The following TG variants were observed in gnomAD, a reference collection of about 807,000 sequenced individuals.
TG encodes the protein thyroglobulin.
In TG, 270 loss-of-function variants were observed where a neutral mutation model predicts 324.7. The ratio of observed to expected loss-of-function variants is 0.83; its 90% CI spans 0.75 to 0.92. The LOEUF is 0.92. TG is among the 40% of genes least tolerant of loss of function. TG has a pLI of 0.00. For missense variants in TG, 3,591 were observed against 3,456.4 expected (o/e 1.04, Z -0.98); for synonymous variants, 1,401 against 1,327.0 (o/e 1.06, Z -1.21).
At chr8:133,113,783 C>T (rs1379398486) in intron 44 of TG, 180 bp downstream of exon 44, 1 of 719,132 alleles carries the variant, frequency 1.4e-6, no homozygotes, top group Non-Finnish European at 2.3e-6. Flanking sequence ...CCCTGGAGGA[C>T]ATGTAGGGTG....
chr8:132,904,075 A>C (rs2132309619), intron 16 of TG, among the ~76,000 whole-genome samples: 1 of 152,340 alleles, frequency 6.6e-6, no homozygotes, highest in South Asian at 2.1e-4. Context: ...CTGGTAGCTC[A>C]GAGCACAACA....
In TG at chr8:133,017,829, C is replaced by T. The variant is rs1203009876; in HGVS notation, c.6614C>T (p.Thr2205Ile). The change falls in exon 38 of 48, where the codon ACC becomes ATC. Residue 2205 changes from threonine to isoleucine, a missense_variant. Coordinates refer to ENST00000220616, the MANE Select transcript of TG (RefSeq NM_003235.5). ...EASVPSVPISTHGRLLGRSQA... is the reference protein window; with the variant it reads ...EASVPSVPISIHGRLLGRSQA... ...TCTGTACCTTCTGTGCCCATTTCCACCCATGGCCGGCTGCTGGGCAGGTCC... is the reference window on the plus strand; with the variant it reads ...TCTGTACCTTCTGTGCCCATTTCCATCCATGGCCGGCTGCTGGGCAGGTCC... 6 of 1,614,098 alleles carry T rather than the reference C, an allele frequency of 3.7e-6. No individual in the cohort carries two copies. The highest frequency in any genetic ancestry group is 1.6e-4 in the Middle Eastern group (1 of 6,084).
rs114806504 is a variant in TG at position 132,959,099 on chromosome 8, T to A, written c.5402-1909T>A. 7.5e-3 allele frequency among the ~76,000 whole-genome samples: 1,142 copies of A among 152,364 alleles called. 26 individuals carry two copies. The highest frequency in any genetic ancestry group is 0.026 in the African/African-American group (1,097 of 41,588). ...GTCTGAGAAGTTCTAGCACCATTGT[T>A]TATTCCCATTTCAGAAGTAAAATCA... On this transcript the variant is annotated intron_variant, in intron 27 of 47. Transcript: ENST00000220616.
At chr8:133,038,713 T>C in intron 41 of TG, 1 of 1,613,758 alleles carries the variant, frequency 6.2e-7, no homozygotes. Context: ...GCGGGTTCTC[T>C]GTTCCCTCGG....
intron 41 of TG, among the ~76,000 whole-genome samples, chr8:133,057,776 A>AAAC (rs1841717628): frequency 1.2e-5 from 1 of 85,662 alleles, no homozygotes; most frequent in African/African-American, 3.3e-5. Flanking sequence ...ACAAAAAACA[A>AAAC]AAAAAAAAAA....
rs6150825 is a variant in TG at position 132,957,742 on chromosome 8, T to TACACAC, written c.5402-3229_5402-3224dup. On this transcript the variant is annotated intron_variant, in intron 27 of 47. Transcript: ENST00000220616. Reference sequence around the variant, plus strand: ...ATTCCCCAGTGATTTCATGGTAAACTACACACACACACACACACACACACA... The same window carrying TACACAC: ...ATTCCCCAGTGATTTCATGGTAAACTACACACACACACACACACACACACACACACA... 9.0e-3 allele frequency among the ~76,000 whole-genome samples: 376 copies of TACACAC among 41,580 alleles called. 1 individual carries two copies. The highest frequency in any genetic ancestry group is 0.025 in the African/African-American group (327 of 12,870). The allele number at this position is 41,580 out of a possible 152,430, so 27.3% of individuals were successfully genotyped here.
intron 40 of TG, among the ~76,000 whole-genome samples, chr8:133,028,976 C>T (rs1836365628): frequency 6.6e-6 from 1 of 152,008 alleles, no homozygotes; most frequent in African/African-American, 2.4e-5. Flanking sequence ...CCATCACCAA[C>T]ATGTAGGTGG....
intron 41 of TG, among the ~76,000 whole-genome samples, chr8:133,043,741 G>A (rs941463750): frequency 6.6e-6 from 1 of 152,186 alleles, no homozygotes; most frequent in Non-Finnish European, 1.5e-5. Context: ...CCAAAGCCCT[G>A]TGGACCCATT....
chr8:132,969,378 G>A lies in TG; in HGVS notation c.5864-80G>A, dbSNP rs530336386. ...ATCTTTAATTGGAAACTTTCAGTCT[G>A]TATTTTACTCATTTGTCCTCATATT... On this transcript the variant is annotated intron_variant, in intron 31 of 47. Transcript: ENST00000220616. 591 of 978,030 alleles carry A rather than the reference G, an allele frequency of 6.0e-4. 5 individuals carry two copies. The South Asian group carries it at 7.4e-3, about 12-fold the overall frequency. The allele number at this position is 978,030 out of a possible 1,614,324, so 60.6% of individuals were successfully genotyped here.
At chr8:133,023,051 G>T (rs1430628551) in intron 40 of TG, among the ~76,000 whole-genome samples, 1 of 152,298 alleles carries the variant, frequency 6.6e-6, no homozygotes, top group East Asian at 1.9e-4. Context: ...TTTCCCAAGG[G>T]TCTCATTTAA....
At chr8:133,106,475 A>G in intron 43 of TG, 1 of 985,236 alleles carries the variant, frequency 1.0e-6, no homozygotes, top group Non-Finnish European at 1.2e-6. Context: ...AAAAAGCAAA[A>G]GGTAGGGTGA....
chr8:133,098,589 C>G (rs920225719), intron 43 of TG, among the ~76,000 whole-genome samples: 1 of 152,212 alleles, frequency 6.6e-6, no homozygotes, highest in Non-Finnish European at 1.5e-5. Flanking sequence ...GTACTGAAAA[C>G]TTTTCATGGC....
intron 41 of TG, among the ~76,000 whole-genome samples, chr8:133,081,630 T>A (rs1845765161): frequency 6.6e-6 from 1 of 152,340 alleles, no homozygotes; most frequent in Admixed American, 6.5e-5. Context: ...AACTGTCTGC[T>A]GCGAAGAGCT....
intron 41 of TG, among the ~76,000 whole-genome samples, chr8:133,077,731 G>GTGTC (rs1845111186): frequency 1.2e-5 from 1 of 85,696 alleles, no homozygotes; most frequent in Non-Finnish European, 2.3e-5. Flanking sequence ...ATTCTCTGGT[G>GTGTC]TGTATGTGTG....
chr8:133,031,175 A>G (rs1044807141), intron 41 of TG, among the ~76,000 whole-genome samples: 12 of 151,976 alleles, frequency 7.9e-5, no homozygotes, highest in Admixed American at 3.9e-4. Flanking sequence ...GTCTCTATCC[A>G]CTTGCCTGTT....
At chr8:132,891,792 T>G (rs762858791) in intron 10 of TG, among the ~76,000 whole-genome samples, 1 of 152,212 alleles carries the variant, frequency 6.6e-6, no homozygotes, top group Admixed American at 6.5e-5. Flanking sequence ...AATATCCTTT[T>G]GAACAAAAAA....
intron 45 of TG, among the ~76,000 whole-genome samples, chr8:133,124,878 A>C (rs1322178602): frequency 6.6e-6 from 1 of 152,202 alleles, no homozygotes; most frequent in Non-Finnish European, 1.5e-5. Flanking sequence ...CCAGATTCAA[A>C]ATATTATCTT....
At position 132,886,752 on chromosome 8, in the gene TG, T is replaced by C. The variant is rs749986694; in HGVS notation, c.1380T>C (p.Phe460=). The C allele has an allele frequency of 1.2e-5, 20 of 1,614,238 alleles. 1 individual carries two copies. The South Asian group carries it at 2.1e-4, about 17-fold the overall frequency. The change falls in exon 9 of 48, where the codon TTT becomes TTC. Residue 460 remains phenylalanine (F), a synonymous_variant. Coordinates refer to ENST00000220616, the MANE Select transcript of TG (RefSeq NM_003235.5). The stretch of plus-strand genomic sequence containing the variant: ...GGCTGGCTCGTCTTGCCCTTCAGTT[T>C]ACCACCAACCCAAAGAGACTCCAGC... The part of the protein sequence containing the change: ...SRGLARLALQ[F]TTNPKRLQQN...
intron 41 of TG, among the ~76,000 whole-genome samples, chr8:133,032,843 T>A (rs1836757752): frequency 6.6e-6 from 1 of 152,210 alleles, no homozygotes; most frequent in Non-Finnish European, 1.5e-5. Flanking sequence ...CAAAGCACTT[T>A]CAGTGTCTTA....
Sources: allele counts gnomAD v4.1 joint callset (sites outside exome capture counted in the v4.1 genomes callset), GRCh38; gene constraint gnomAD v4.1.1; transcripts MANE v1.5; gene names NCBI Gene and HGNC (gene_info 2026-07-23, HGNC 2026-07-21).